The following PSAT1 variants were observed in gnomAD, a reference collection of about 807,000 sequenced individuals.
PSAT1 encodes phosphoserine aminotransferase.
PSAT1 carries 41 observed loss-of-function variants against 40.3 expected under a neutral mutation model. The ratio of observed to expected loss-of-function variants is 1.02; its 90% CI spans 0.79 to 1.32. The LOEUF is 1.32. Ranked by LOEUF, PSAT1 falls within the 40% of genes most tolerant of loss-of-function variation. The pLI is 0.00. For missense variants in PSAT1, 406 were observed against 455.8 expected (o/e 0.89, Z 0.99); for synonymous variants, 147 against 170.5 (o/e 0.86, Z 1.07).
rs73451065 is a variant in PSAT1 at position 78,305,137 on chromosome 9, C to T, written c.397+197C>T. Among the ~76,000 whole-genome samples, 446 of 152,090 alleles carry T rather than the reference C, an allele frequency of 2.9e-3. 2 individuals carry two copies. Among genetic ancestry groups the T allele is most frequent in the African/African-American group, 1.0e-2 (414 of 41,494 alleles). On this transcript the variant is annotated intron_variant, in intron 4 of 8. Coordinates refer to ENST00000376588, the MANE Select transcript of PSAT1 (RefSeq NM_058179.4). ...TTTTATTTTCTATTTTTTTTCTAGA[C>T]AGAGTTTTGCTTTGTCACCCAGGCT...
intron 6 of PSAT1, among the ~76,000 whole-genome samples, chr9:78,312,915 G>A (rs994749388): frequency 6.6e-6 from 1 of 152,138 alleles, no homozygotes; most frequent in Non-Finnish European, 1.5e-5. Context: ...ACCGATTCCT[G>A]AGAAAACTGT....
intron 1 of PSAT1, among the ~76,000 whole-genome samples, chr9:78,299,514 CTT>C (rs57722137): frequency 5.9e-5 from 7 of 118,508 alleles, no homozygotes; most frequent in Admixed American, 1.0e-4. Context: ...TAATCTAATT[CTT>C]TTTTTTTTTT....
intron 1 of PSAT1, among the ~76,000 whole-genome samples, chr9:78,299,817 A>G (rs556809572): frequency 1.3e-5 from 2 of 151,974 alleles, no homozygotes; most frequent in African/African-American, 4.8e-5. Flanking sequence ...GGCCTTGTCT[A>G]ATTCTTTATT....
At chr9:78,305,367 G>A (rs1297738505) in intron 4 of PSAT1, among the ~76,000 whole-genome samples, 1 of 152,114 alleles carries the variant, frequency 6.6e-6, no homozygotes, top group Non-Finnish European at 1.5e-5. Context: ...CGCCTGCCTC[G>A]GCCTCCCAGA....
intron 7 of PSAT1, among the ~76,000 whole-genome samples, chr9:78,320,005 CATCT>C (rs1056903736): frequency 6.7e-5 from 10 of 148,672 alleles, no homozygotes; most frequent in Non-Finnish European, 1.2e-4. Context: ...TTCATTCATC[CATCT>C]GTCTACCCAT....
intron 6 of PSAT1, among the ~76,000 whole-genome samples, chr9:78,315,432 G>A (rs1828327556): frequency 6.6e-6 from 1 of 152,222 alleles, no homozygotes; most frequent in South Asian, 2.1e-4. Context: ...GTAGACTTCA[G>A]GAAGTACTCA....
At chr9:78,312,261 C>A (rs1002592919) in intron 6 of PSAT1, among the ~76,000 whole-genome samples, 1 of 152,186 alleles carries the variant, frequency 6.6e-6, no homozygotes, top group African/African-American at 2.4e-5. Flanking sequence ...CTAAACTTCC[C>A]TTCTGACTGC....
chr9:78,327,941 A>T (rs1012438663), intron 7 of PSAT1, 110 bp from the exon 8 acceptor site: 3 of 1,223,958 alleles, frequency 2.5e-6, no homozygotes, highest in Non-Finnish European at 3.5e-6. Context: ...GTTTTTTAAA[A>T]AATCTTCTGC....
chr9:78,320,140 A>G (rs1352779765), intron 7 of PSAT1, among the ~76,000 whole-genome samples: 2 of 148,878 alleles, frequency 1.3e-5, no homozygotes, highest in Non-Finnish European at 3.0e-5. Flanking sequence ...CCATCTATCC[A>G]TCCATTACCC....
chr9:78,306,906 C>G (rs1448992586), intron 5 of PSAT1, among the ~76,000 whole-genome samples: 1 of 152,154 alleles, frequency 6.6e-6, no homozygotes, highest in South Asian at 2.1e-4. Context: ...GAGTGGCTTG[C>G]CAAGGCAGGG....
At chr9:78,311,640 A>G (rs1419292548) in intron 6 of PSAT1, among the ~76,000 whole-genome samples, 1 of 151,996 alleles carries the variant, frequency 6.6e-6, no homozygotes, top group African/African-American at 2.4e-5. Flanking sequence ...GAGACCAGCC[A>G]GACCAACATG....
chr9:78,308,626 A>G (rs745708190), intron 6 of PSAT1, 43 bp downstream of exon 6: 1 of 1,604,318 alleles, frequency 6.2e-7, no homozygotes, highest in Non-Finnish European at 8.5e-7. Context: ...GAGGGGTCTC[A>G]CTATTTTTCA....
chr9:78,306,089 G>T (rs572633619), intron 4 of PSAT1, among the ~76,000 whole-genome samples: 62 of 152,252 alleles, frequency 4.1e-4, no homozygotes, highest in African/African-American at 1.4e-3. Flanking sequence ...AAGATGATTT[G>T]TTCCCAGTAA....
chr9:78,320,046 A>G (rs1419910193), intron 7 of PSAT1, among the ~76,000 whole-genome samples: 1 of 151,098 alleles, frequency 6.6e-6, no homozygotes, highest in Non-Finnish European at 1.5e-5. Context: ...CCACTCATCC[A>G]CTCATCCATC....
intron 7 of PSAT1, among the ~76,000 whole-genome samples, chr9:78,322,767 A>G (rs1203939024): frequency 6.6e-6 from 1 of 152,226 alleles, no homozygotes; most frequent in East Asian, 1.9e-4. Context: ...AAGCTGCCTC[A>G]TAGACAAATG....
At chr9:78,319,083 A>G (rs1019916201) in intron 7 of PSAT1, among the ~76,000 whole-genome samples, 1 of 152,224 alleles carries the variant, frequency 6.6e-6, no homozygotes, top group Non-Finnish European at 1.5e-5. Flanking sequence ...TTTGGGGTTC[A>G]GTCTATAGTA....
At chr9:78,323,545 A>T (rs1171589629) in intron 7 of PSAT1, among the ~76,000 whole-genome samples, 1 of 152,136 alleles carries the variant, frequency 6.6e-6, no homozygotes, top group African/African-American at 2.4e-5. Flanking sequence ...GGACCACTGC[A>T]CTCCAGCCTG....
chr9:78,298,560 C>T (rs1156743222), intron 1 of PSAT1, among the ~76,000 whole-genome samples: 1 of 152,158 alleles, frequency 6.6e-6, no homozygotes, highest in Non-Finnish European at 1.5e-5. Context: ...CTGTAGCCTC[C>T]TCCTGCACCC....
intron 8 of PSAT1, among the ~76,000 whole-genome samples, chr9:78,328,598 G>A (rs137954707): frequency 8.6e-6 from 1 of 116,552 alleles, no homozygotes; most frequent in Non-Finnish European, 1.6e-5. Context: ...CATGAGAATA[G>A]CAGCAGGGAA....
Sources: allele counts gnomAD v4.1 joint callset (sites outside exome capture counted in the v4.1 genomes callset), GRCh38; gene constraint gnomAD v4.1.1; transcripts MANE v1.5; gene names NCBI Gene and HGNC (gene_info 2026-07-23, HGNC 2026-07-21).